The following CAST variants were observed in gnomAD, a reference collection of about 807,000 sequenced individuals.
CAST encodes MIR583 host.
In CAST, 76 loss-of-function variants were observed where a neutral mutation model predicts 119.6. The observed-to-expected ratio is 0.64, with a 90% CI of 0.53 to 0.77. The LOEUF (loss-of-function observed/expected upper bound fraction) is 0.77. Ranked by LOEUF, CAST falls within the 30% of genes least tolerant of loss-of-function variation. CAST has a pLI of 0.00. For synonymous variants in CAST, 319 were observed against 331.6 expected (o/e 0.96, Z 0.41); for missense variants, 953 against 946.5 (o/e 1.01, Z -0.09).
chr5:96,561,786 G>GGTTTTT lies in CAST; in HGVS notation c.60+31906_60+31907insGTTTTT, dbSNP rs1189100090. Among the ~76,000 whole-genome samples the GGTTTTT allele has an allele frequency of 1.6e-3, 164 of 105,406 alleles. 11 individuals carry two copies. The highest frequency in any genetic ancestry group is 6.8e-3 in the Middle Eastern group (1 of 148). 69.2% of individuals were successfully genotyped at this position (105,406 alleles called of 152,430 possible). A position where few individuals can be genotyped will look rare whatever the true frequency, so the allele number is the denominator to read the frequency against. ...ATGTATATATGTGTATTATATATAT[G>GGTTTTT]TTTTTTTTTGTTTTTTTTTTTTTTG... is the stretch of plus-strand genomic sequence containing the variant. On this transcript the variant is annotated intron_variant, in intron 1 of 11. Transcript: ENST00000505143.
the CAST span, among the ~76,000 whole-genome samples, chr5:95,983,103 C>T: frequency 6.6e-6 from 1 of 152,190 alleles, no homozygotes; most frequent in African/African-American, 2.4e-5. Flanking sequence ...GTTCTATTTA[C>T]TTAAACTCTA....
At chr5:96,347,981 G>T in the CAST span, among the ~76,000 whole-genome samples, 2 of 152,144 alleles carry the variant, frequency 1.3e-5, no homozygotes, top group East Asian at 3.8e-4. Flanking sequence ...AATAGAGAAA[G>T]TATTGCCTAC....
intron 1 of CAST, among the ~76,000 whole-genome samples, chr5:96,571,374 C>A (rs1302114398): frequency 1.3e-5 from 2 of 152,232 alleles, no homozygotes; most frequent in Non-Finnish European, 2.9e-5. Context: ...CACCCTTCCT[C>A]ACACAAGCAT....
the CAST span, among the ~76,000 whole-genome samples, chr5:96,262,643 C>T: frequency 3.9e-5 from 6 of 152,164 alleles, no homozygotes; most frequent in African/African-American, 1.4e-4. Flanking sequence ...CATTCTCCTG[C>T]CTCAGCCTCC....
At chr5:96,059,280 C>T in the CAST span, among the ~76,000 whole-genome samples, 3,134 of 152,178 alleles carry the variant, frequency 0.021, 72 homozygotes, top group Admixed American at 0.073. Context: ...CCCAGCAGGA[C>T]GGATAATCAG....
the CAST span, among the ~76,000 whole-genome samples, chr5:95,979,610 A>G: frequency 6.6e-6 from 1 of 152,328 alleles, no homozygotes; most frequent in Admixed American, 6.5e-5. Context: ...GATCTCAAAA[A>G]TGCTTCAGAG....
chr5:96,630,731 A>G (rs759843857), intron 1 of CAST, among the ~76,000 whole-genome samples: 2 of 152,160 alleles, frequency 1.3e-5, no homozygotes, highest in Non-Finnish European at 2.9e-5. Context: ...GGTTGCAGTG[A>G]GCCAAGATTG....
At chr5:96,458,830 G>A in the CAST span, among the ~76,000 whole-genome samples, 4 of 151,908 alleles carry the variant, frequency 2.6e-5, no homozygotes, top group South Asian at 2.1e-4. Context: ...CCCAACTTTC[G>A]CACATCATCT....
At chr5:96,408,101 C>T in the CAST span, 1 of 725,492 alleles carries the variant, frequency 1.4e-6, no homozygotes, top group South Asian at 1.5e-5. Context: ...CAGGAAAGAG[C>T]TTATCTTTAT....
At chr5:96,238,366 C>T in the CAST span, among the ~76,000 whole-genome samples, 558 of 23,092 alleles carry the variant, frequency 0.024, 3 homozygotes, top group African/African-American at 0.056. Flanking sequence ...TTCTTCTTCT[C>T]CTTCTTCTCC....
the CAST span, among the ~76,000 whole-genome samples, chr5:96,192,451 T>G: frequency 0.042 from 6,358 of 152,292 alleles, 471 homozygotes; most frequent in African/African-American, 0.15. Context: ...AATCACATTT[T>G]AGGAATAAAC....
chr5:96,616,753 T>TAC (rs377159898), intron 1 of CAST, among the ~76,000 whole-genome samples: 2,185 of 130,738 alleles, frequency 0.017, 19 homozygotes, highest in East Asian at 0.032. Context: ...TCTATATATA[T>TAC]ACACACACAC....
In CAST at chr5:96,582,939, C is replaced by T. The variant is rs1036842456; in HGVS notation, c.60+53059C>T. Reference sequence around the variant, plus strand: ...TTACCTATTTTGTGATTCATGATTTCATGATTTGTGATTTCTTTTGGAAAA... The same window carrying T: ...TTACCTATTTTGTGATTCATGATTTTATGATTTGTGATTTCTTTTGGAAAA... On this transcript the variant is annotated intron_variant, in intron 1 of 11. Transcript: ENST00000505143. Among the ~76,000 whole-genome samples, 4 of 152,030 alleles carry T rather than the reference C, an allele frequency of 2.6e-5. 1 individual carries two copies. In the South Asian group the frequency reaches 6.2e-4, roughly 24 times the overall value.
chr5:96,452,515 A>T, the CAST span, among the ~76,000 whole-genome samples: 2 of 151,978 alleles, frequency 1.3e-5, no homozygotes, highest in Non-Finnish European at 2.9e-5. Context: ...CAGTGGAGAG[A>T]TAGCATTAGG....
chr5:96,313,065 C>A, the CAST span, among the ~76,000 whole-genome samples: 19 of 151,954 alleles, frequency 1.3e-4, no homozygotes, highest in African/African-American at 3.9e-4. Flanking sequence ...TAAATTATTG[C>A]CAACAAAAGG....
the CAST span, among the ~76,000 whole-genome samples, chr5:96,485,462 A>G: frequency 6.6e-6 from 1 of 152,198 alleles, no homozygotes; most frequent in Admixed American, 6.6e-5. Context: ...GGTTAAAATT[A>G]AAAAGTAAAG....
chr5:96,531,156 A>G (rs141402425), intron 1 of CAST, among the ~76,000 whole-genome samples: 3 of 152,312 alleles, frequency 2.0e-5, no homozygotes, highest in Non-Finnish European at 2.9e-5. Flanking sequence ...AGCCATCACA[A>G]TGGCTTCATG....
intron 9 of CAST, 27 bp from the exon 10 acceptor site, chr5:96,736,145 A>T (rs753717396): frequency 2.1e-6 from 3 of 1,430,502 alleles, no homozygotes; most frequent in Non-Finnish European, 2.9e-6. Context: ...GTATGTGAGG[A>T]GTTGTTAATT....
chr5:96,060,193 T>A, the CAST span, among the ~76,000 whole-genome samples: 1 of 152,106 alleles, frequency 6.6e-6, no homozygotes, highest in Non-Finnish European at 1.5e-5. Context: ...TAATAATAGT[T>A]CTAAGGTTAT....
Sources: gnomAD v4.1 joint callset for allele counts (sites outside exome capture counted in the v4.1 genomes callset) on GRCh38, gnomAD v4.1.1 for gene constraint, MANE v1.5 for transcripts, NCBI Gene and HGNC (gene_info 2026-07-23, HGNC 2026-07-21) for gene names.